Variants in QKI observed in about 807,000 individuals in gnomAD.
The protein encoded by QKI is KH domain-containing RNA-binding protein QKI.
A neutral mutation model predicts 39.0 loss-of-function variants in QKI; 10 were observed. The observed-to-expected ratio is 0.26, with a 90% CI of 0.16 to 0.43. The LOEUF (loss-of-function observed/expected upper bound fraction) is 0.43, where lower values mean the gene tolerates loss of function less well. Ranked by LOEUF, QKI falls within the 20% of genes least tolerant of loss-of-function variation. The probability of loss-of-function intolerance (pLI) is 1.00; values close to 1 mark genes in which losing one functional copy is unlikely to be tolerated. For synonymous variants in QKI, 204 were observed against 155.4 expected, an observed-to-expected ratio of 1.31 and a Z score of -2.33; for missense variants, 218 against 428.0, an observed-to-expected ratio of 0.51 and a Z score of 4.33.
intron 1 of QKI, 89 bp from the exon 2 acceptor site, chr6:163,455,190 T>C: frequency 9.4e-7 from 1 of 1,059,446 alleles, no homozygotes. Flanking sequence ...GCTTTATCAA[T>C]GAAACCCTCC....
At chr6:163,523,564 A>AAATG (rs1455161924) in intron 3 of QKI, among the ~76,000 whole-genome samples, 3 of 152,220 alleles carry the variant, frequency 2.0e-5, no homozygotes, top group African/African-American at 7.2e-5. Context: ...AGTTCCTTTT[A>AAATG]AATGAGTTTG....
intron 2 of QKI, among the ~76,000 whole-genome samples, chr6:163,471,878 CAA>C (rs1792217608): frequency 6.6e-6 from 1 of 151,788 alleles, no homozygotes; most frequent in African/African-American, 2.4e-5. Context: ...ATAAGGATAA[CAA>C]AAGTTTGAAG....
chr6:163,532,372 G>T (rs1417631914), intron 3 of QKI, among the ~76,000 whole-genome samples: 2 of 152,094 alleles, frequency 1.3e-5, no homozygotes, highest in Non-Finnish European at 2.9e-5. Context: ...GGGGGAGGTG[G>T]TCTCATGTAT....
chr6:163,459,394 G>A (rs1205028765), intron 2 of QKI, among the ~76,000 whole-genome samples: 1 of 152,048 alleles, frequency 6.6e-6, no homozygotes, highest in Admixed American at 6.6e-5. Context: ...TGGAGTCCAG[G>A]GATACTGTTA....
At chr6:163,470,570 A>G (rs915619421) in intron 2 of QKI, among the ~76,000 whole-genome samples, 1 of 152,214 alleles carries the variant, frequency 6.6e-6, no homozygotes, top group Non-Finnish European at 1.5e-5. Context: ...GACATTAACA[A>G]AAATCTGAAG....
chr6:163,420,400 T>C (rs1456680518), intron 1 of QKI, among the ~76,000 whole-genome samples: 1 of 152,078 alleles, frequency 6.6e-6, no homozygotes, highest in Admixed American at 6.6e-5. Flanking sequence ...GCTGTGACAT[T>C]GTTGGTTTTT....
At chr6:163,480,190 A>G (rs1363038678) in intron 3 of QKI, among the ~76,000 whole-genome samples, 4 of 152,214 alleles carry the variant, frequency 2.6e-5, no homozygotes, top group Non-Finnish European at 5.9e-5. Flanking sequence ...TTAAAAAAAT[A>G]GATTTTGATG....
At chr6:163,529,349 A>T (rs556276045) in intron 3 of QKI, among the ~76,000 whole-genome samples, 2 of 152,338 alleles carry the variant, frequency 1.3e-5, no homozygotes, top group East Asian at 3.9e-4. Context: ...CTTCAATCAT[A>T]AAAGTTCAAT....
At chr6:163,435,381 C>T (rs999170793) in intron 1 of QKI, among the ~76,000 whole-genome samples, 6 of 152,124 alleles carry the variant, frequency 3.9e-5, no homozygotes, top group African/African-American at 9.7e-5. Flanking sequence ...TGAATTTAAT[C>T]GCAAACTGGC....
chr6:163,553,442 T>C (rs1252238489), intron 4 of QKI, among the ~76,000 whole-genome samples: 2 of 152,158 alleles, frequency 1.3e-5, no homozygotes, highest in African/African-American at 4.8e-5. Flanking sequence ...AACAAGGCTC[T>C]ATTAAACTCC....
chr6:163,420,059 C>G (rs985938666), intron 1 of QKI, among the ~76,000 whole-genome samples: 1 of 151,912 alleles, frequency 6.6e-6, no homozygotes, highest in African/African-American at 2.4e-5. Flanking sequence ...TATAATAAAA[C>G]CCTCATGCTT....
At chr6:163,554,786 C>T (rs1050776508) in intron 4 of QKI, among the ~76,000 whole-genome samples, 4 of 152,240 alleles carry the variant, frequency 2.6e-5, no homozygotes, top group Admixed American at 6.5e-5. Flanking sequence ...CTTTTCATCT[C>T]TGTTACAACC....
At chr6:163,476,189 G>T (rs892910362) in intron 2 of QKI, among the ~76,000 whole-genome samples, 1 of 150,952 alleles carries the variant, frequency 6.6e-6, no homozygotes, top group African/African-American at 2.4e-5. Flanking sequence ...TATTGGAGAG[G>T]AAGTGGATCA....
At chr6:163,432,806 T>C (rs1403640229) in intron 1 of QKI, among the ~76,000 whole-genome samples, 1 of 152,216 alleles carries the variant, frequency 6.6e-6, no homozygotes, top group Non-Finnish European at 1.5e-5. Context: ...TGTGTTGATG[T>C]TCTGTACAGG....
At chr6:163,476,324 T>C (rs1792604292) in intron 2 of QKI, among the ~76,000 whole-genome samples, 1 of 152,064 alleles carries the variant, frequency 6.6e-6, no homozygotes, top group Non-Finnish European at 1.5e-5. Context: ...GTAGTCTTTT[T>C]TTTCTCAAGG....
intron 1 of QKI, among the ~76,000 whole-genome samples, chr6:163,424,248 C>G (rs935302640): frequency 6.6e-6 from 1 of 152,150 alleles, no homozygotes; most frequent in Admixed American, 6.5e-5. Context: ...GAAACCGCAT[C>G]TAATTGTCTA....
intron 1 of QKI, among the ~76,000 whole-genome samples, chr6:163,439,774 C>G (rs947428687): frequency 6.6e-6 from 1 of 151,732 alleles, no homozygotes; most frequent in Non-Finnish European, 1.5e-5. Flanking sequence ...CTCAGCCTCC[C>G]GAGTAGCAGG....
Position 163,415,384 on chromosome 6 carries a change from C to A in QKI, c.142+49C>A, listed in dbSNP as rs1259067990. On this transcript the variant is annotated intron_variant, in intron 1 of 7. Coordinates refer to ENST00000361752, the MANE Select transcript of QKI (RefSeq NM_006775.3). The stretch of plus-strand genomic sequence containing the variant: ...CCCGGCCCGACCCCCGCCGGGGCGG[C>A]CCCTTTCCCCGCTTGGGATGGTGGG... 5.2e-6 allele frequency: 8 copies of A among 1,541,052 alleles called. No individual in the cohort carries two copies. The Admixed American group carries it at 1.3e-4, about 24-fold the overall frequency.
In QKI at chr6:163,563,596, A is replaced by G. The variant is rs761464048; in HGVS notation, c.811A>G (p.Thr271Ala). Residue 271 changes from threonine to alanine, a missense_variant, in exon 6 of 8, where the codon ACT (threonine) becomes GCT (alanine). Physicochemically the swap from Thr to Ala is moderately conservative, Grantham distance 58. Coordinates refer to ENST00000361752, the MANE Select transcript of QKI (RefSeq NM_006775.3). ...AVMPNGTPHP[T>A]AAIVPPGPEA... is the part of the protein sequence containing the mutation. ...CATGCCAAACGGAACTCCTCACCCA[A>G]CTGCTGCAATAGTTCCTCCAGGGCC... 3.1e-6 allele frequency: 5 copies of G among 1,613,952 alleles called. No homozygotes were observed. The highest frequency in any genetic ancestry group is 2.2e-5 in the East Asian group (1 of 44,876).
Sources: gnomAD v4.1 joint callset for allele counts (sites outside exome capture counted in the v4.1 genomes callset) on GRCh38, gnomAD v4.1.1 for gene constraint, MANE v1.5 for transcripts, NCBI Gene and HGNC (gene_info 2026-07-23, HGNC 2026-07-21) for gene names.